KLHL11: variants seen among roughly 807,000 people sequenced by gnomAD.
KLHL11 encodes the protein kelch like family member 11, also known as kelch-like protein 11.
KLHL11 carries 26 observed loss-of-function variants against 56.1 expected under a neutral mutation model. The ratio of observed to expected loss-of-function variants is 0.46; its 90% CI spans 0.34 to 0.64. The LOEUF (loss-of-function observed/expected upper bound fraction) is 0.64, where lower values mean the gene tolerates loss of function less well. Among genes scored for constraint, KLHL11 ranks in the 30% least tolerant of loss-of-function variants. The pLI, the probability that KLHL11 is intolerant of heterozygous loss-of-function variation, is 0.01. For missense variants in KLHL11, 627 were observed against 919.4 expected (o/e 0.68, Z 4.11); for synonymous variants, 338 against 345.8 (o/e 0.98, Z 0.25).
At position 41,854,141 on chromosome 17, in the gene KLHL11, C is replaced by A. The variant is rs1170587257; in HGVS notation, c.1726G>T (p.Ala576Ser). The A allele has an allele frequency of 1.2e-6, 2 of 1,614,114 alleles. No individual in the cohort carries two copies. Among genetic ancestry groups the A allele is most frequent in the Non-Finnish European group, 1.7e-6 (2 of 1,179,992 alleles). The change falls in exon 2 of 2, where the codon GCA becomes TCA. Residue 576 changes from alanine (A) to serine (S), a missense_variant. Around this residue, in one of 4 missense-constraint regions of KLHL11, gnomAD observed 250 missense variants for 360.6 expected, o/e 0.69. Coordinates refer to ENST00000319121, the MANE Select transcript of KLHL11 (RefSeq NM_018143.3). The surrounding 1 kb of genome is among the most constrained non-coding windows in gnomAD (Gnocchi z 4.9). ...PKSYCLENEE[A>S]VRKIASQVSD... ...ACTTGGCTGGCAATTTTTCTTACTGCCTCTTCGTTTTCTAAACAATAACTC... is the reference window on the plus strand; with the variant it reads ...ACTTGGCTGGCAATTTTTCTTACTGACTCTTCGTTTTCTAAACAATAACTC...
At position 41,853,871 on chromosome 17, in the gene KLHL11, A is replaced by C; in HGVS notation, c.1996T>G (p.Leu666Val). 6.2e-7 allele frequency: 1 copy of C among 1,614,116 alleles called. No homozygotes were observed. Among genetic ancestry groups the C allele is most frequent in the Non-Finnish European group, 8.5e-7 (1 of 1,180,022 alleles). The change falls in exon 2 of 2, where the codon TTG (leucine) becomes GTG (valine). Residue 666 changes from leucine to valine, a missense_variant. Coordinates refer to ENST00000319121, the MANE Select transcript of KLHL11 (RefSeq NM_018143.3). ...ACHVRIPYRY[L>V]HGTQRYPMPQ... ...ATAGGGTATCTCTGTGTGCCATGCA[A>C]GTACCGGTATGGGATCCTCACGTGA...
chr17:41,853,565 C>A lies in KLHL11; in HGVS notation c.*175G>T. Reference sequence around the variant, plus strand: ...AAAAATTGCAAGCTAACAAAATGACCATGTATTGAACTGAGTCTCCCATTC... The same window carrying A: ...AAAAATTGCAAGCTAACAAAATGACAATGTATTGAACTGAGTCTCCCATTC... On this transcript the variant is annotated 3_prime_UTR_variant, in exon 2 of 2. Coordinates refer to ENST00000319121, the MANE Select transcript of KLHL11 (RefSeq NM_018143.3). 1.6e-6 allele frequency: 1 copy of A among 635,512 alleles called. No homozygotes were observed. The highest frequency in any genetic ancestry group is 2.4e-6 in the Non-Finnish European group (1 of 408,646). The allele number at this position is 635,512 out of a possible 1,614,324, so 39.4% of individuals were successfully genotyped here.
In KLHL11 at chr17:41,865,265, G is replaced by A. The variant is rs2048433563; in HGVS notation, c.106C>T (p.Leu36=). The change falls in exon 1 of 2, where the codon CTG becomes TTG. Residue 36 remains leucine (L), a synonymous_variant. Coordinates refer to ENST00000319121, the MANE Select transcript of KLHL11 (RefSeq NM_018143.3). The stretch of plus-strand genomic sequence containing the variant: ...CCGCTGCCTCGGACCTCGGCGGCCA[G>A]TCCTGCCGAGCCGGCGGCGGCCGTC... ...METAAAGSAG[L]AAEVRGSGTV... The A allele has an allele frequency of 3.8e-6, 6 of 1,575,826 alleles. No individual in the cohort carries two copies. Among genetic ancestry groups the A allele is most frequent in the Non-Finnish European group, 5.1e-6 (6 of 1,167,416 alleles).
chr17:41,852,801 A>G lies in KLHL11; in HGVS notation c.*939T>C, dbSNP rs998852093. Among the ~76,000 whole-genome samples the G allele has an allele frequency of 2.0e-5, 3 of 152,104 alleles. No individual in the cohort carries two copies. Among genetic ancestry groups the G allele is most frequent in the Non-Finnish European group, 2.9e-5 (2 of 68,026 alleles). On this transcript the variant is annotated 3_prime_UTR_variant, in exon 2 of 2. Coordinates refer to ENST00000319121, the MANE Select transcript of KLHL11 (RefSeq NM_018143.3). ...AGCAAAAAAAAAAAAAAAAAGAGAA[A>G]AGGAATAATGAAGATTCTATATAAT...
intron 1 of KLHL11, among the ~76,000 whole-genome samples, chr17:41,860,285 C>T (rs544387531): frequency 6.6e-6 from 1 of 150,924 alleles, no homozygotes; most frequent in East Asian, 2.0e-4. Context: ...CTGTCATACA[C>T]TTGGCATCTG....
In KLHL11 at chr17:41,855,282, A is replaced by T; in HGVS notation, c.585T>A (p.Phe195Leu). The T allele has an allele frequency of 6.3e-7, 1 of 1,593,136 alleles. No individual in the cohort carries two copies. Among genetic ancestry groups the T allele is most frequent in the Non-Finnish European group, 8.6e-7 (1 of 1,169,528 alleles). The change falls in exon 2 of 2, where the codon TTT becomes TTA. Residue 195 changes from phenylalanine (F) to leucine (L), a missense_variant. By Grantham distance (22) the Phe-to-Leu change is conservative (BLOSUM62 0). Transcript: ENST00000319121. ...TTGAGAGATGAAGTTTTTTCTTGAG[A>T]AATTCTCCACAAAATTCTTTTAAAC... ...LIRLKEFCGE[F>L]LKKKLHLSNC...
At position 41,848,830 on chromosome 17, in the gene KLHL11, C is replaced by A. The variant is rs1251955378; in HGVS notation, c.*4910G>T. On this transcript the variant is annotated 3_prime_UTR_variant, in exon 2 of 2. Coordinates refer to ENST00000319121, the MANE Select transcript of KLHL11 (RefSeq NM_018143.3). ...AACACCTAGCAAGCACTACTTTTCA[C>A]GAGTGCATTATGCAGGAGGACTAAG... The A allele has an allele frequency of 6.4e-6, 1 of 156,488 alleles. No homozygotes were observed. The highest frequency in any genetic ancestry group is 1.4e-5 in the Non-Finnish European group (1 of 70,428). 9.7% of individuals were successfully genotyped at this position (156,488 alleles called of 1,614,324 possible).
At chr17:41,863,239 G>A (rs2048416361) in intron 1 of KLHL11, among the ~76,000 whole-genome samples, 1 of 149,696 alleles carries the variant, frequency 6.7e-6, no homozygotes, top group African/African-American at 2.5e-5. Context: ...CCGCCAGGCT[G>A]GAGTAGAGCG....
rs782267819 is a variant in KLHL11 at position 41,854,402 on chromosome 17, T to C, written c.1465A>G (p.Lys489Glu). ...AGTGCTTTGACATCTCGAAGAATCT[T>C]TGGTGCCGATTCCAAGTTGTGCCAT... ...DKWHNLESAP[K>E]ILRDVKALAI... Residue 489 changes from lysine (K) to glutamate (E), a missense_variant, in exon 2 of 2, where the codon AAG (lysine) becomes GAG (glutamate). Lys to Glu is a moderately conservative substitution (Grantham distance 56, BLOSUM62 1). Coordinates refer to ENST00000319121, the MANE Select transcript of KLHL11 (RefSeq NM_018143.3). The surrounding 1 kb of genome is among the most constrained non-coding windows in gnomAD (Gnocchi z 4.9). The C allele has an allele frequency of 1.1e-5, 18 of 1,614,068 alleles. No individual in the cohort carries two copies. In the Admixed American group the frequency reaches 1.2e-4, roughly 10 times the overall value.
At chr17:41,864,449 G>A (rs112253885) in intron 1 of KLHL11, among the ~76,000 whole-genome samples, 1 of 152,188 alleles carries the variant, frequency 6.6e-6, no homozygotes, top group Non-Finnish European at 1.5e-5. Flanking sequence ...ATCTTTGCAC[G>A]GTCAGTTATT....
rs1228118070 is a variant in KLHL11, at chr17:41,849,575, A to ACAG, written c.*4164_*4165insCTG. On this transcript the variant is annotated 3_prime_UTR_variant, in exon 2 of 2. Coordinates refer to ENST00000319121, the MANE Select transcript of KLHL11 (RefSeq NM_018143.3). ...GCTTCAAACTTCTGTTTTATATTAA[A>ACAG]AAGGTATATTTAAATTTTTTGGTCC... The ACAG allele has an allele frequency of 6.6e-6, 1 of 152,236 alleles. No homozygotes were observed. Among genetic ancestry groups the ACAG allele is most frequent in the Non-Finnish European group, 1.5e-5 (1 of 68,036 alleles). 9.4% of individuals were successfully genotyped at this position (152,236 alleles called of 1,614,324 possible).
rs2048333566 is a variant in KLHL11, at chr17:41,851,830, G to A, written c.*1910C>T. ...GTATGCTGAGGTGGCAGGATGGCTT[G>A]CATCCAGGAGGTGGAGGTTGTAGTG... On this transcript the variant is annotated 3_prime_UTR_variant, in exon 2 of 2. Coordinates refer to ENST00000319121, the MANE Select transcript of KLHL11 (RefSeq NM_018143.3). Among the ~76,000 whole-genome samples, 1 of 151,556 alleles carries A rather than the reference G, an allele frequency of 6.6e-6. No individual in the cohort carries two copies. The highest frequency in any genetic ancestry group is 6.6e-5 in the Admixed American group (1 of 15,200).
chr17:41,857,912 G>C (rs2048376269), intron 1 of KLHL11, among the ~76,000 whole-genome samples: 1 of 152,132 alleles, frequency 6.6e-6, no homozygotes, highest in Non-Finnish European at 1.5e-5. Flanking sequence ...TGCCTCCTGG[G>C]TTCAAGCGAT....
intron 1 of KLHL11, among the ~76,000 whole-genome samples, chr17:41,858,218 C>CTTTTTTTT (rs1174225045): frequency 1.7e-5 from 2 of 116,410 alleles, no homozygotes; most frequent in African/African-American, 6.6e-5. Context: ...TCACCAGCCT[C>CTTTTTTTT]TTTTTTTTTT....
chr17:41,854,731 C>T lies in KLHL11; in HGVS notation c.1136G>A (p.Gly379Glu). The T allele has an allele frequency of 6.2e-7, 1 of 1,614,126 alleles. No individual in the cohort carries two copies. The highest frequency in any genetic ancestry group is 8.5e-7 in the Non-Finnish European group (1 of 1,180,006). Reference sequence around the variant, plus strand: ...CCATCTGTCCTCATCAACAAAGTATCCCACACATTCACTTAAATAGTCCCC... The same window carrying T: ...CCATCTGTCCTCATCAACAAAGTATTCCACACATTCACTTAAATAGTCCCC... ...EGGDYLSECVGYFVDEDRWVN... is the reference protein window; with the variant it reads ...EGGDYLSECVEYFVDEDRWVN... The change falls in exon 2 of 2, where the codon GGA becomes GAA. Residue 379 changes from glycine (G) to glutamate (E), a missense_variant. Gly to Glu is a moderately conservative substitution (Grantham distance 98). This residue lies in a region of KLHL11 where 106 missense variants were observed against 227.0 expected (regional missense o/e 0.47). Coordinates refer to ENST00000319121, the MANE Select transcript of KLHL11 (RefSeq NM_018143.3). The surrounding 1 kb of genome is among the most constrained non-coding windows in gnomAD (Gnocchi z 4.9).
Position 41,854,679 on chromosome 17 carries a change from G to A in KLHL11, c.1188C>T (p.His396=). ...TTACTGCAACAGCATGTCCATCGAG[G>A]TGATTATGAATATGTGGCAGATTTA... ...RWVNLPHIHN[H]LDGHAVAVTE... The change falls in exon 2 of 2, where the codon CAC becomes CAT. Residue 396 remains histidine, a synonymous_variant. Coordinates refer to ENST00000319121, the MANE Select transcript of KLHL11 (RefSeq NM_018143.3). The surrounding 1 kb of genome is among the most constrained non-coding windows in gnomAD (Gnocchi z 4.9). 1.2e-6 allele frequency: 2 copies of A among 1,614,126 alleles called. No homozygotes were observed. Among genetic ancestry groups the A allele is most frequent in the South Asian group, 1.1e-5 (1 of 91,084 alleles).
Position 41,854,144 on chromosome 17 carries a change from C to G in KLHL11, c.1723G>C (p.Glu575Gln), listed in dbSNP as rs1555622237. Residue 575 changes from glutamate to glutamine, a missense_variant, in exon 2 of 2, where the codon GAG becomes CAG. Physicochemically the swap from Glu to Gln is conservative, Grantham distance 29 (BLOSUM62 2). Transcript: ENST00000319121. The surrounding 1 kb of genome is among the most constrained non-coding windows in gnomAD (Gnocchi z 4.9). ...TGGCTGGCAATTTTTCTTACTGCCT[C>G]TTCGTTTTCTAAACAATAACTCTTG... ...CPKSYCLENE[E>Q]AVRKIASQVS... 6 of 1,614,156 alleles carry G rather than the reference C, an allele frequency of 3.7e-6. No individual in the cohort carries two copies. Among genetic ancestry groups the G allele is most frequent in the Admixed American group, 1.7e-5 (1 of 60,012 alleles).
chr17:41,863,190 C>CTT (rs58265395), intron 1 of KLHL11, among the ~76,000 whole-genome samples: 70 of 133,048 alleles, frequency 5.3e-4, no homozygotes, highest in African/African-American at 1.9e-3. Flanking sequence ...ATCCTTTGTT[C>CTT]TTTTTTTTTT....
At position 41,851,589 on chromosome 17, in the gene KLHL11, G is replaced by A. The variant is rs558941810; in HGVS notation, c.*2151C>T. The A allele has an allele frequency of 4.0e-5, 6 of 148,154 alleles. No individual in the cohort carries two copies. The highest frequency in any genetic ancestry group is 7.4e-5 in the Non-Finnish European group (5 of 67,316). The allele number at this position is 148,154 out of a possible 1,614,324, so 9.2% of individuals were successfully genotyped here. On this transcript the variant is annotated 3_prime_UTR_variant, in exon 2 of 2. Transcript: ENST00000319121. ...TGCACTCCAGCCAGGGCGACAAAGC[G>A]TGACTGTTTCAAAAAAAAAAAAAAA...
Sources: gnomAD v4.1 joint callset for allele counts (sites outside exome capture counted in the v4.1 genomes callset) on GRCh38, gnomAD v4.1.1 for gene constraint, gnomAD v4.1.1 regional missense constraint, Gnocchi (gnomAD v3.1) non-coding constraint, MANE v1.5 for transcripts, NCBI Gene and HGNC (gene_info 2026-07-23, HGNC 2026-07-21) for gene names.